ASTN1: variants seen among roughly 807,000 people sequenced by gnomAD.
The protein encoded by ASTN1 is astrotactin 1.
In ASTN1, 41 loss-of-function variants were observed where a neutral mutation model predicts 140.7. The ratio of observed to expected loss-of-function variants is 0.29; its 90% confidence interval spans 0.23 to 0.38. The LOEUF is 0.38. ASTN1 is among the 10% of genes least tolerant of loss of function. The pLI is 1.00. For missense variants in ASTN1, 1,479 were observed against 1,678.8 expected (o/e 0.88, Z 2.08); for synonymous variants, 640 against 652.2 (o/e 0.98, Z 0.29).
intron 1 of ASTN1, among the ~76,000 whole-genome samples, chr1:177,137,015 T>C (rs1571836167): frequency 6.6e-6 from 1 of 152,156 alleles, no homozygotes; most frequent in African/African-American, 2.4e-5. Context: ...TGGATGCCTG[T>C]AGCACCAAAT....
intron 1 of ASTN1, among the ~76,000 whole-genome samples, chr1:177,105,644 G>GA (rs139667650): frequency 0.013 from 1,839 of 143,712 alleles, 12 homozygotes; most frequent in Non-Finnish European, 0.016. Context: ...TGGCTTCATG[G>GA]AAAAAAAAAA....
intron 8 of ASTN1, among the ~76,000 whole-genome samples, chr1:176,977,216 A>T (rs928104504): frequency 6.6e-5 from 10 of 152,242 alleles, no homozygotes; most frequent in African/African-American, 2.2e-4. Context: ...CTTTTCCCAA[A>T]GTCTTTTTCT....
intron 1 of ASTN1, among the ~76,000 whole-genome samples, chr1:177,093,277 G>A (rs1679856034): frequency 6.6e-6 from 1 of 152,130 alleles, no homozygotes; most frequent in Non-Finnish European, 1.5e-5. Context: ...TAGTGCAGAA[G>A]GCCTTGCCAA....
intron 1 of ASTN1, among the ~76,000 whole-genome samples, chr1:177,119,608 A>C (rs1369585705): frequency 2.6e-5 from 4 of 152,068 alleles, no homozygotes; most frequent in African/African-American, 9.7e-5. Flanking sequence ...TTTCCTCTCA[A>C]ACCTCTCATC....
At chr1:177,124,491 G>T (rs141320258) in intron 1 of ASTN1, among the ~76,000 whole-genome samples, 51 of 152,294 alleles carry the variant, frequency 3.3e-4, no homozygotes, top group Non-Finnish European at 6.0e-4. Flanking sequence ...GGGCGTGAGT[G>T]TGAGCTTCAT....
chr1:177,043,510 G>A (rs1677071831), intron 2 of ASTN1, among the ~76,000 whole-genome samples: 1 of 152,204 alleles, frequency 6.6e-6, no homozygotes, highest in African/African-American at 2.4e-5. Flanking sequence ...AACAAAACTT[G>A]TATACATTGC....
intron 1 of ASTN1, among the ~76,000 whole-genome samples, chr1:177,132,601 C>T (rs1681994453): frequency 6.6e-6 from 1 of 152,158 alleles, no homozygotes; most frequent in Non-Finnish European, 1.5e-5. Context: ...AATCTATAAT[C>T]TAGAATCCCT....
intron 1 of ASTN1, among the ~76,000 whole-genome samples, chr1:177,159,687 A>G (rs781377476): frequency 9.9e-5 from 15 of 152,220 alleles, no homozygotes; most frequent in Non-Finnish European, 1.6e-4. Flanking sequence ...CTAAAACCAC[A>G]TTACCTTCTG....
At position 176,894,743 on chromosome 1, in the gene ASTN1, G is replaced by A. The variant is rs1176965304; in HGVS notation, c.2759C>T (p.Ser920Phe). 6.2e-7 allele frequency: 1 copy of A among 1,614,186 alleles called. No homozygotes were observed. Among genetic ancestry groups the A allele is most frequent in the South Asian group, 1.1e-5 (1 of 91,086 alleles). Residue 920 changes from serine (S) to phenylalanine (F), a missense_variant, in exon 17 of 23, where the codon TCC (serine) becomes TTC (phenylalanine). Ser to Phe is a radical substitution (Grantham distance 155). Coordinates refer to ENST00000361833, the MANE Select transcript of ASTN1 (RefSeq NM_004319.3). ...FPEYITSLSD[S>F]GTKHMAAGVR... ...TCCAGCCGCCATGTGCTTGGTGCCGGAGTCTGACAAGCTGGTGATGTATTC... is the reference window on the plus strand; with the variant it reads ...TCCAGCCGCCATGTGCTTGGTGCCGAAGTCTGACAAGCTGGTGATGTATTC...
At chr1:176,965,678 G>A (rs921024203) in intron 8 of ASTN1, among the ~76,000 whole-genome samples, 2 of 152,154 alleles carry the variant, frequency 1.3e-5, no homozygotes, top group Non-Finnish European at 2.9e-5. Flanking sequence ...CCGATAATTT[G>A]CTTGCCAGTC....
At chr1:177,139,509 G>GA (rs1210044543) in intron 1 of ASTN1, among the ~76,000 whole-genome samples, 2 of 152,188 alleles carry the variant, frequency 1.3e-5, no homozygotes. Context: ...TTAAATCAAG[G>GA]AAGGTACCTT....
intron 17 of ASTN1, among the ~76,000 whole-genome samples, chr1:176,893,849 G>A (rs1392411899): frequency 6.6e-6 from 1 of 152,170 alleles, no homozygotes; most frequent in African/African-American, 2.4e-5. Context: ...TGAGGACGTT[G>A]GAGAGCTAGG....
intron 8 of ASTN1, among the ~76,000 whole-genome samples, chr1:176,972,492 T>A (rs193035971): frequency 6.6e-6 from 1 of 151,876 alleles, no homozygotes; most frequent in African/African-American, 2.4e-5. Flanking sequence ...GAACTACTAC[T>A]TTTTTTTAAT....
At chr1:176,964,665 G>T (rs188369218) in intron 9 of ASTN1, among the ~76,000 whole-genome samples, 1 of 152,144 alleles carries the variant, frequency 6.6e-6, no homozygotes, top group Non-Finnish European at 1.5e-5. Context: ...AAATAATAAT[G>T]AGGTAGAGTT....
intron 2 of ASTN1, among the ~76,000 whole-genome samples, chr1:177,039,870 A>AG (rs1422987620): frequency 6.6e-6 from 1 of 152,228 alleles, no homozygotes; most frequent in Non-Finnish European, 1.5e-5. Flanking sequence ...CCACAGACCA[A>AG]GGAGATGATG....
Position 176,862,768 on chromosome 1 carries a change from G to A in ASTN1, c.*1516C>T. On this transcript the variant is annotated 3_prime_UTR_variant, in exon 23 of 23. Transcript: ENST00000361833. Reference sequence around the variant, plus strand: ...CTGTGAGAATTCAATGATACCTAAAGTGCTTACATCAGCGCCTGGCATACA... The same window carrying A: ...CTGTGAGAATTCAATGATACCTAAAATGCTTACATCAGCGCCTGGCATACA... 1.0e-6 allele frequency: 1 copy of A among 965,882 alleles called. No homozygotes were observed. The highest frequency in any genetic ancestry group is 4.8e-5 in the South Asian group (1 of 20,864). The allele number at this position is 965,882 out of a possible 1,614,324, so 59.8% of individuals were successfully genotyped here. A position where few individuals can be genotyped will look rare whatever the true frequency, so the allele number is the denominator to read the frequency against.
In ASTN1 at chr1:177,141,765, C is replaced by T. The variant is rs547765299; in HGVS notation, c.283+22629G>A. On this transcript the variant is annotated intron_variant, in intron 1 of 22. Transcript: ENST00000361833. ...TCTTATCTCTGTCTCTTAGCTGGTC[C>T]TGAAGCTAGGTGGAGAAAAGAGGTG... 1.6e-4 allele frequency among the ~76,000 whole-genome samples: 24 copies of T among 152,292 alleles called. No individual in the cohort carries two copies. In the South Asian group the frequency reaches 4.8e-3, roughly 30 times the overall value.
At chr1:177,072,207 T>C (rs912794129) in intron 1 of ASTN1, among the ~76,000 whole-genome samples, 1 of 152,200 alleles carries the variant, frequency 6.6e-6, no homozygotes, top group Non-Finnish European at 1.5e-5. Flanking sequence ...ACAGAAGATA[T>C]ACATCAATAG....
intron 8 of ASTN1, among the ~76,000 whole-genome samples, chr1:177,010,690 A>G (rs1251149443): frequency 1.3e-5 from 2 of 152,194 alleles, no homozygotes; most frequent in Non-Finnish European, 2.9e-5. Context: ...TTTCTGCCTG[A>G]GCAATTGTGG....
Sources: allele counts gnomAD v4.1 joint callset (sites outside exome capture counted in the v4.1 genomes callset), GRCh38; gene constraint gnomAD v4.1.1; transcripts MANE v1.5; gene names NCBI Gene and HGNC (gene_info 2026-07-23, HGNC 2026-07-21).